ASB3: variants seen among roughly 807,000 people sequenced by gnomAD.
The protein encoded by ASB3 is ankyrin repeat and SOCS box containing 3, also known as ankyrin repeat and SOCS box protein 3.
ASB3 carries 41 observed loss-of-function variants against 54.5 expected under a neutral mutation model. The observed-to-expected ratio is 0.75, with a 90% CI of 0.59 to 0.98. ASB3 has a LOEUF of 0.98. ASB3 is among the 50% of genes least tolerant of loss of function. The pLI is 0.00. For missense variants in ASB3, 733 were observed against 620.0 expected, an observed-to-expected ratio of 1.18 and a Z score of -1.94; for synonymous variants, 266 against 221.2, an observed-to-expected ratio of 1.20 and a Z score of -1.80.
At chr2:53,683,350 T>G (rs1668475852) in intron 9 of ASB3, among the ~76,000 whole-genome samples, 1 of 152,050 alleles carries the variant, frequency 6.6e-6, no homozygotes, top group African/African-American at 2.4e-5. Context: ...TTAAATGTGT[T>G]GTAGAATTCG....
chr2:53,781,886 ATTTTCT>A (rs1488474326), intron 1 of ASB3, among the ~76,000 whole-genome samples: 1 of 152,214 alleles, frequency 6.6e-6, no homozygotes, highest in Non-Finnish European at 1.5e-5. Context: ...TACAGCCATA[ATTTTCT>A]TTTTAAACAA....
At chr2:53,702,019 C>T (rs1669520923) in intron 7 of ASB3, among the ~76,000 whole-genome samples, 1 of 152,114 alleles carries the variant, frequency 6.6e-6, no homozygotes, top group South Asian at 2.1e-4. Context: ...TCCTGTACTT[C>T]CCAAACTTAT....
chr2:53,762,748 G>A (rs538512443), intron 2 of ASB3, among the ~76,000 whole-genome samples: 3 of 152,232 alleles, frequency 2.0e-5, no homozygotes, highest in African/African-American at 2.4e-5. Flanking sequence ...CAGGAGAGAA[G>A]ACAAGCAAAT....
chr2:53,717,085 C>A (rs1185720875), intron 5 of ASB3, among the ~76,000 whole-genome samples: 1 of 152,106 alleles, frequency 6.6e-6, no homozygotes, highest in Non-Finnish European at 1.5e-5. Flanking sequence ...TCTACGTCAG[C>A]AAGAAAACAA....
chr2:53,721,938 G>A (rs1017807536), intron 5 of ASB3, among the ~76,000 whole-genome samples: 3 of 151,934 alleles, frequency 2.0e-5, no homozygotes, highest in South Asian at 4.1e-4. Context: ...AAAATTGACA[G>A]ACTGCTAGCT....
At chr2:53,708,849 G>A (rs1572882861) in intron 7 of ASB3, among the ~76,000 whole-genome samples, 1 of 152,198 alleles carries the variant, frequency 6.6e-6, no homozygotes, top group African/African-American at 2.4e-5. Context: ...AAGCAGCAAA[G>A]CAGCCTGTCT....
In ASB3 at chr2:53,728,726, AT is replaced by A. The variant is rs1425844373; in HGVS notation, c.589del (p.Ile197TyrfsTer70). The A allele has an allele frequency of 1.8e-5, 29 of 1,606,434 alleles. No individual in the cohort carries two copies. The highest frequency in any genetic ancestry group is 2.4e-5 in the Non-Finnish European group (28 of 1,176,474). On this transcript the variant is annotated frameshift_variant, in exon 5 of 10. Coordinates refer to ENST00000263634, the MANE Select transcript of ASB3 (RefSeq NM_016115.5). LOFTEE classifies it high-confidence loss of function. ...AQYGKLESLS[I>X]LISSGANVNC... ...GATAATCTTACCCGATGAAATAAGT[AT>A]GCTCAAGCTTTCTAGCTTGCCATAC... is the stretch of plus-strand genomic sequence containing the variant.
At chr2:53,727,087 A>C (rs964768902) in intron 5 of ASB3, among the ~76,000 whole-genome samples, 1 of 152,218 alleles carries the variant, frequency 6.6e-6, no homozygotes, top group Admixed American at 6.5e-5. Context: ...GCCTGGGTCC[A>C]AGCCCTGATT....
chr2:53,672,708 C>CTATA (rs905586299), intron 9 of ASB3, among the ~76,000 whole-genome samples: 6 of 152,108 alleles, frequency 3.9e-5, no homozygotes, highest in Non-Finnish European at 5.9e-5. Context: ...TTACTCACCA[C>CTATA]TATATAAATA....
At chr2:53,693,515 A>T (rs1331811382) in intron 9 of ASB3, among the ~76,000 whole-genome samples, 1 of 152,178 alleles carries the variant, frequency 6.6e-6, no homozygotes, top group African/African-American at 2.4e-5. Flanking sequence ...CTCCACAGAC[A>T]TTCCAAAGAG....
chr2:53,740,660 ATCT>A (rs932561024), intron 3 of ASB3, among the ~76,000 whole-genome samples: 2 of 152,222 alleles, frequency 1.3e-5, no homozygotes, highest in African/African-American at 4.8e-5. Flanking sequence ...AAAAACCATG[ATCT>A]TCTGGGCAAA....
chr2:53,774,337 C>T (rs765395740), intron 1 of ASB3: 2 of 1,613,424 alleles, frequency 1.2e-6, no homozygotes, highest in South Asian at 2.2e-5. Context: ...TGGTCCTGCA[C>T]CTCTGGAAGA....
chr2:53,759,881 C>T (rs3922262), intron 2 of ASB3, among the ~76,000 whole-genome samples: 12,514 of 152,082 alleles, frequency 0.082, 571 homozygotes, highest in East Asian at 0.14. Context: ...CACCAGCCCA[C>T]GCCATCACCC....
intron 5 of ASB3, among the ~76,000 whole-genome samples, chr2:53,721,664 T>C (rs1670720860): frequency 6.6e-6 from 1 of 151,878 alleles, no homozygotes; most frequent in Admixed American, 6.6e-5. Flanking sequence ...TTGAAATAAA[T>C]AAAAACAGAC....
In ASB3 at chr2:53,716,957, C is replaced by T. The variant is rs369010333; in HGVS notation, c.605-214G>A. Among the ~76,000 whole-genome samples, 7 of 152,240 alleles carry T rather than the reference C, an allele frequency of 4.6e-5. No individual in the cohort carries two copies. The East Asian group carries it at 9.6e-4, about 21-fold the overall frequency. The stretch of plus-strand genomic sequence containing the variant: ...GCTAAACTGACAGGGTAGCTCATGC[C>T]TGGAATCCCAGCAATTTAGGAAGCT... On this transcript the variant is annotated intron_variant, in intron 5 of 9. Transcript: ENST00000263634.
chr2:53,688,368 C>T (rs1668740284), intron 9 of ASB3, among the ~76,000 whole-genome samples: 1 of 152,162 alleles, frequency 6.6e-6, no homozygotes, highest in African/African-American at 2.4e-5. Flanking sequence ...CATGAGCTTT[C>T]AAATTGCTTC....
chr2:53,757,047 GC>G (rs1672871925), intron 2 of ASB3: 1 of 161,642 alleles, frequency 6.2e-6, no homozygotes, highest in Admixed American at 6.3e-5. Flanking sequence ...CATCTTGGAA[GC>G]AGCCTACCAC....
chr2:53,729,408 G>C (rs759543410), intron 4 of ASB3, 50 bp downstream of exon 4: 39 of 1,590,140 alleles, frequency 2.5e-5, no homozygotes, highest in Non-Finnish European at 2.8e-5. Flanking sequence ...ATTTTAAGAG[G>C]GTAAAACACA....
intron 1 of ASB3, among the ~76,000 whole-genome samples, chr2:53,771,412 C>T (rs977463393): frequency 6.6e-6 from 1 of 152,118 alleles, no homozygotes; most frequent in Admixed American, 6.5e-5. Flanking sequence ...ACTCAGGAGG[C>T]TGAGGTGAGA....
Sources: gnomAD v4.1 joint callset for allele counts (sites outside exome capture counted in the v4.1 genomes callset) on GRCh38, gnomAD v4.1.1 for gene constraint, MANE v1.5 for transcripts, NCBI Gene and HGNC (gene_info 2026-07-23, HGNC 2026-07-21) for gene names.